The following OXR1 variants were observed in gnomAD, a reference collection of about 807,000 sequenced individuals.
The protein encoded by OXR1 is oxidation resistance 1.
Under a neutral mutation model 104.6 loss-of-function variants are expected in OXR1, and 41 were observed. The observed-to-expected ratio is 0.39, with a 90% CI of 0.31 to 0.51. The LOEUF (loss-of-function observed/expected upper bound fraction) is 0.51, where lower values mean the gene tolerates loss of function less well. Among genes scored for constraint, OXR1 ranks in the 20% least tolerant of loss-of-function variants. OXR1 has a pLI of 0.77. For missense variants in OXR1, 955 were observed against 1,031.9 expected, an observed-to-expected ratio of 0.93 and a Z score of 1.02; for synonymous variants, 348 against 348.4, an observed-to-expected ratio of 1.00 and a Z score of 0.01.
chr8:106,582,678 A>G (rs997246524), intron 3 of OXR1, among the ~76,000 whole-genome samples: 4 of 152,212 alleles, frequency 2.6e-5, no homozygotes, highest in Non-Finnish European at 5.9e-5. Flanking sequence ...AAGTAGTGAA[A>G]AAAGCTTATT....
At chr8:106,540,172 A>C (rs1814841116) in intron 3 of OXR1, among the ~76,000 whole-genome samples, 1 of 152,170 alleles carries the variant, frequency 6.6e-6, no homozygotes, top group African/African-American at 2.4e-5. Context: ...ATAAAGTGAC[A>C]TAGCAAGCCA....
At chr8:106,295,665 C>G (rs888784802) in intron 1 of OXR1, among the ~76,000 whole-genome samples, 1 of 152,086 alleles carries the variant, frequency 6.6e-6, no homozygotes, top group Non-Finnish European at 1.5e-5. Context: ...CAGTTACCAT[C>G]CAGTGCATCT....
chr8:106,406,328 T>C (rs1287051989), intron 2 of OXR1, among the ~76,000 whole-genome samples: 4 of 152,188 alleles, frequency 2.6e-5, no homozygotes, highest in Admixed American at 6.5e-5. Flanking sequence ...TAAGATGTAA[T>C]ACCCATTCTC....
At chr8:106,524,432 G>A (rs1487025311) in intron 3 of OXR1, among the ~76,000 whole-genome samples, 1 of 152,086 alleles carries the variant, frequency 6.6e-6, no homozygotes, top group Non-Finnish European at 1.5e-5. Context: ...CATATATCAC[G>A]GTCCAGCTTC....
At chr8:106,492,179 C>T (rs766642384) in intron 2 of OXR1, among the ~76,000 whole-genome samples, 3 of 152,184 alleles carry the variant, frequency 2.0e-5, no homozygotes, top group Non-Finnish European at 2.9e-5. Context: ...GCCTGGGTCA[C>T]AGTTTGGGAA....
Position 106,569,200 on chromosome 8 carries a change from C to G in OXR1, c.220+50061C>G, listed in dbSNP as rs147794373. Among the ~76,000 whole-genome samples the G allele has an allele frequency of 5.2e-3, 794 of 151,892 alleles. 3 individuals carry two copies. The highest frequency in any genetic ancestry group is 0.018 in the African/African-American group (731 of 41,430). On this transcript the variant is annotated intron_variant, in intron 3 of 16. Coordinates refer to ENST00000517566, the MANE Select transcript of OXR1 (RefSeq NM_001198533.2). ...TTGTCAGGCTTTCTGTGTTTTGTTC[C>G]CCCATAACAGTGTTTTAATCAACAC...
chr8:106,700,479 T>G (rs1316977237), intron 7 of OXR1, among the ~76,000 whole-genome samples: 1 of 152,134 alleles, frequency 6.6e-6, no homozygotes, highest in Admixed American at 6.6e-5. Context: ...GGAAAGAAAC[T>G]TAAAGAATAT....
At chr8:106,719,798 AT>A (rs1832662578) in intron 11 of OXR1, among the ~76,000 whole-genome samples, 1 of 151,576 alleles carries the variant, frequency 6.6e-6, no homozygotes, top group Admixed American at 6.6e-5. Context: ...ATTTCTTTGT[AT>A]TTTTTTATTT....
At chr8:106,688,216 A>C (rs1363567270) in intron 6 of OXR1, among the ~76,000 whole-genome samples, 3 of 152,182 alleles carry the variant, frequency 2.0e-5, no homozygotes, top group Non-Finnish European at 4.4e-5. Flanking sequence ...AAAAATGTTT[A>C]AAATAAGTAA....
At chr8:106,737,144 C>T (rs762932863) in intron 11 of OXR1, among the ~76,000 whole-genome samples, 1 of 152,120 alleles carries the variant, frequency 6.6e-6, no homozygotes, top group Non-Finnish European at 1.5e-5. Flanking sequence ...GTAGTTGAAA[C>T]TACCACTTCC....
intron 2 of OXR1, chr8:106,448,027 C>G: frequency 1.3e-6 from 2 of 1,535,786 alleles, no homozygotes; most frequent in Non-Finnish European, 1.7e-6. Context: ...ACAGAAATGA[C>G]GAAGGACAAA....
intron 2 of OXR1, among the ~76,000 whole-genome samples, chr8:106,435,593 C>T (rs1339103258): frequency 6.6e-6 from 1 of 152,146 alleles, no homozygotes; most frequent in Non-Finnish European, 1.5e-5. Context: ...ATTTATGTCC[C>T]ATGTAAAGAA....
At chr8:106,342,465 G>T (rs1327157055) in intron 1 of OXR1, among the ~76,000 whole-genome samples, 2 of 151,872 alleles carry the variant, frequency 1.3e-5, no homozygotes, top group Admixed American at 6.6e-5. Context: ...ATTTTGGCCA[G>T]GCTGGTTTTG....
At chr8:106,472,620 A>T (rs1253625054) in intron 2 of OXR1, among the ~76,000 whole-genome samples, 1 of 151,892 alleles carries the variant, frequency 6.6e-6, no homozygotes, top group African/African-American at 2.4e-5. Context: ...GTATGTCTAC[A>T]TGCAGACAAC....
intron 11 of OXR1, 55 bp from the exon 12 acceptor site, chr8:106,737,465 T>TTTG: frequency 2.5e-6 from 1 of 404,674 alleles, no homozygotes; most frequent in Non-Finnish European, 4.4e-6. Context: ...TTTTTTTTTT[T>TTTG]TGCTGTTTTT....
chr8:106,670,266 A>G (rs1826799834), intron 3 of OXR1, among the ~76,000 whole-genome samples: 1 of 152,174 alleles, frequency 6.6e-6, no homozygotes, highest in Non-Finnish European at 1.5e-5. Flanking sequence ...TCAACTTCAA[A>G]TTATCAAAAT....
rs747393747 is a variant in OXR1, at chr8:106,702,917, T to C, written c.687T>C (p.Ser229=). 1 of 1,613,090 alleles carries C rather than the reference T, an allele frequency of 6.2e-7. No homozygotes were observed. The highest frequency in any genetic ancestry group is 8.5e-7 in the Non-Finnish European group (1 of 1,179,244). The change falls in exon 8 of 17, where the codon AGT becomes AGC. Residue 229 remains serine (S), a synonymous_variant. Transcript: ENST00000517566. ...TTTTTTCACCTTAGGGCACAGTCAG[T>C]GGTGTGCTGCTAGTTACACCAAATA... is the stretch of plus-strand genomic sequence containing the variant. ...KYITSGKGTV[S]GVLLVTPNNI...
At chr8:106,637,780 T>TC (rs1823271266) in intron 3 of OXR1, among the ~76,000 whole-genome samples, 1 of 150,702 alleles carries the variant, frequency 6.6e-6, no homozygotes, top group African/African-American at 2.4e-5. Flanking sequence ...TTTTTTTTTT[T>TC]AGACGGAGTC....
intron 1 of OXR1, among the ~76,000 whole-genome samples, chr8:106,330,525 G>A (rs1814665361): frequency 6.6e-6 from 1 of 152,128 alleles, no homozygotes; most frequent in South Asian, 2.1e-4. Flanking sequence ...AAGAAATCAT[G>A]TTTATTTCTA....
Sources: gnomAD v4.1 joint callset for allele counts (sites outside exome capture counted in the v4.1 genomes callset) on GRCh38, gnomAD v4.1.1 for gene constraint, MANE v1.5 for transcripts, NCBI Gene and HGNC (gene_info 2026-07-23, HGNC 2026-07-21) for gene names.